The following PACRG variants were observed in gnomAD, a reference collection of about 807,000 sequenced individuals.
PACRG encodes the protein parkin coregulated.
PACRG carries 29 observed loss-of-function variants against 29.7 expected under a neutral mutation model. That is an observed-to-expected ratio of 0.98 (90% CI 0.73 to 1.33). PACRG has a LOEUF of 1.33. PACRG is among the 40% of genes most tolerant of loss of function. The pLI, the probability that PACRG is intolerant of heterozygous loss-of-function variation, is 0.00. For missense variants in PACRG, 279 were observed against 316.2 expected, an observed-to-expected ratio of 0.88 and a Z score of 0.89; for synonymous variants, 116 against 118.7, an observed-to-expected ratio of 0.98 and a Z score of 0.15.
chr6:162,842,168 G>GT (rs1789844515), intron 2 of PACRG, among the ~76,000 whole-genome samples: 1 of 149,844 alleles, frequency 6.7e-6, no homozygotes, highest in South Asian at 2.2e-4. Flanking sequence ...TTTCTATCTC[G>GT]TTGATCTGTC....
At chr6:162,869,083 T>C (rs1792576324) in intron 2 of PACRG, among the ~76,000 whole-genome samples, 1 of 152,132 alleles carries the variant, frequency 6.6e-6, no homozygotes, top group Non-Finnish European at 1.5e-5. Context: ...CTTTACAGAA[T>C]GTAGAGGAAG....
intron 2 of PACRG, among the ~76,000 whole-genome samples, chr6:162,883,150 C>A (rs1301697576): frequency 6.6e-6 from 1 of 151,840 alleles, no homozygotes. Context: ...TCTGTCACTA[C>A]CAGGTTTTTT....
intron 3 of PACRG, among the ~76,000 whole-genome samples, chr6:163,073,218 A>G (rs927468707): frequency 1.3e-5 from 2 of 152,132 alleles, no homozygotes; most frequent in Non-Finnish European, 2.9e-5. Flanking sequence ...ACATTATGGC[A>G]TAAAAAACAG....
At chr6:162,859,212 C>A (rs1791655019) in intron 2 of PACRG, among the ~76,000 whole-genome samples, 1 of 151,894 alleles carries the variant, frequency 6.6e-6, no homozygotes, top group Non-Finnish European at 1.5e-5. Flanking sequence ...TGTTCTCTCA[C>A]CTAAAAATAG....
chr6:163,292,375 A>G (rs1784641482), intron 4 of PACRG, among the ~76,000 whole-genome samples: 1 of 152,132 alleles, frequency 6.6e-6, no homozygotes, highest in Non-Finnish European at 1.5e-5. Flanking sequence ...AGGAATTGTT[A>G]TGGGAAACTA....
intron 2 of PACRG, among the ~76,000 whole-genome samples, chr6:162,916,217 T>A (rs535646683): frequency 2.2e-4 from 34 of 152,296 alleles, no homozygotes; most frequent in African/African-American, 8.2e-4. Context: ...TATTCTACTG[T>A]CTTATGACCT....
intron 2 of PACRG, among the ~76,000 whole-genome samples, chr6:162,913,610 T>C (rs1796466638): frequency 6.6e-6 from 1 of 152,188 alleles, no homozygotes; most frequent in Admixed American, 6.5e-5. Flanking sequence ...AAAGTGCTAT[T>C]TATTTACCTT....
At chr6:163,156,479 C>G (rs1193334782) in intron 4 of PACRG, among the ~76,000 whole-genome samples, 3 of 152,122 alleles carry the variant, frequency 2.0e-5, no homozygotes, top group Non-Finnish European at 2.9e-5. Flanking sequence ...ACGACCGCCA[C>G]GCCCCATGAC....
intron 2 of PACRG, among the ~76,000 whole-genome samples, chr6:163,050,748 C>T (rs1809918973): frequency 6.6e-6 from 1 of 152,174 alleles, no homozygotes; most frequent in Non-Finnish European, 1.5e-5. Context: ...ATTAATGAGA[C>T]ATGTAATTTC....
intron 2 of PACRG, among the ~76,000 whole-genome samples, chr6:162,830,073 A>T (rs1788619355): frequency 6.6e-6 from 1 of 152,012 alleles, no homozygotes; most frequent in Admixed American, 6.6e-5. Flanking sequence ...GAGCTGAGGG[A>T]TTTAATATTG....
chr6:163,148,501 C>T (rs984502338), intron 4 of PACRG, among the ~76,000 whole-genome samples: 1 of 152,278 alleles, frequency 6.6e-6, no homozygotes, highest in African/African-American at 2.4e-5. Flanking sequence ...CATGGAAGCC[C>T]ACCACCCTTC....
intron 2 of PACRG, among the ~76,000 whole-genome samples, chr6:162,977,348 GA>G (rs1169711972): frequency 6.6e-6 from 1 of 150,862 alleles, no homozygotes; most frequent in Non-Finnish European, 1.5e-5. Flanking sequence ...TAAAAGTTAA[GA>G]AAGTGAAAAT....
intron 2 of PACRG, among the ~76,000 whole-genome samples, chr6:163,045,211 C>T (rs1188672425): frequency 6.6e-6 from 1 of 152,134 alleles, no homozygotes; most frequent in East Asian, 1.9e-4. Flanking sequence ...CTTCCCTCCT[C>T]TGTGGCCAGC....
At chr6:162,959,797 G>A (rs913097621) in intron 2 of PACRG, among the ~76,000 whole-genome samples, 1 of 152,016 alleles carries the variant, frequency 6.6e-6, no homozygotes, top group East Asian at 1.9e-4. Flanking sequence ...GTTGGATCCT[G>A]GACATATGAA....
At chr6:163,019,873 C>G (rs575998631) in intron 2 of PACRG, among the ~76,000 whole-genome samples, 1 of 152,288 alleles carries the variant, frequency 6.6e-6, no homozygotes, top group African/African-American at 2.4e-5. Flanking sequence ...CCCCTTTCGC[C>G]TATAGAAACA....
At chr6:162,989,827 C>T (rs62429315) in intron 2 of PACRG, among the ~76,000 whole-genome samples, 3,194 of 150,486 alleles carry the variant, frequency 0.021, 156 homozygotes, top group East Asian at 0.18. Context: ...CATGCTGGTG[C>T]GCTGCACCCA....
intron 4 of PACRG, among the ~76,000 whole-genome samples, chr6:163,149,287 C>T (rs1032692480): frequency 1.3e-5 from 2 of 152,142 alleles, no homozygotes; most frequent in Non-Finnish European, 1.5e-5. Context: ...CCGGCCCTCC[C>T]CAGGCCTCTC....
chr6:163,023,606 TG>T (rs1806846602), intron 2 of PACRG, among the ~76,000 whole-genome samples: 1 of 152,210 alleles, frequency 6.6e-6, no homozygotes, highest in Admixed American at 6.5e-5. Context: ...ATGGGATTGT[TG>T]GGTCAAATGA....
intron 2 of PACRG, among the ~76,000 whole-genome samples, chr6:162,825,012 G>A (rs751998267): frequency 5.3e-5 from 8 of 151,988 alleles, no homozygotes; most frequent in Non-Finnish European, 8.8e-5. Flanking sequence ...TTCATAAATG[G>A]TTATCTATTT....
Sources: gnomAD v4.1 joint callset for allele counts (sites outside exome capture counted in the v4.1 genomes callset) on GRCh38, gnomAD v4.1.1 for gene constraint, MANE v1.5 for transcripts, NCBI Gene and HGNC (gene_info 2026-07-23, HGNC 2026-07-21) for gene names.